Variants in LUC7L2 observed in about 807,000 individuals in gnomAD.
The protein encoded by LUC7L2 is LUC7 like 2, pre-mRNA splicing factor, also known as putative RNA-binding protein Luc7-like 2.
In LUC7L2, 25 loss-of-function variants were observed where a neutral mutation model predicts 52.8. The observed-to-expected ratio is 0.47, with a 90% CI of 0.34 to 0.66. The LOEUF is 0.66. Ranked by LOEUF, LUC7L2 falls within the 30% of genes least tolerant of loss-of-function variation. LUC7L2 has a pLI of 0.01. For synonymous variants in LUC7L2, 144 were observed against 160.9 expected (o/e 0.89, Z 0.80); for missense variants, 328 against 497.8 (o/e 0.66, Z 3.25).
intron 9 of LUC7L2, among the ~76,000 whole-genome samples, chr7:139,421,376 A>G (rs1054636564): frequency 6.6e-6 from 1 of 152,226 alleles, no homozygotes; most frequent in African/African-American, 2.4e-5. Context: ...TGTTGGAAGT[A>G]TGGAAGATTC....
chr7:139,340,719 T>C (rs1798897417), intron 1 of LUC7L2: 1 of 387,084 alleles, frequency 2.6e-6, no homozygotes, highest in Non-Finnish European at 4.6e-6. Flanking sequence ...GCCTAATGGA[T>C]AAGGCATTGG....
intron 2 of LUC7L2, among the ~76,000 whole-genome samples, chr7:139,392,961 GTTAAA>G (rs1158222666): frequency 6.7e-6 from 1 of 148,682 alleles, no homozygotes; most frequent in East Asian, 2.1e-4. Context: ...GCAACTACTT[GTTAAA>G]TTAAAAAAAA....
chr7:139,408,608 C>G (rs141029043), intron 6 of LUC7L2, among the ~76,000 whole-genome samples: 8,526 of 152,176 alleles, frequency 0.056, 553 homozygotes, highest in African/African-American at 0.15. Context: ...CTTTGGGAGG[C>G]CAAGGCGGGC....
At chr7:139,358,824 G>A (rs938887100), upstream of LUC7L2, among the ~76,000 whole-genome samples, 4 of 151,950 alleles carry the variant, frequency 2.6e-5, no homozygotes, top group Admixed American at 2.6e-4. Flanking sequence ...AGCTGGGGAG[G>A]CGCCCGCCAT....
At chr7:139,346,977 G>C (rs1490786919) in intron 1 of LUC7L2, among the ~76,000 whole-genome samples, 2 of 152,160 alleles carry the variant, frequency 1.3e-5, no homozygotes, top group South Asian at 2.1e-4. Flanking sequence ...CTCTGTCCTA[G>C]TTCAAGCACT....
intron 1 of LUC7L2, among the ~76,000 whole-genome samples, chr7:139,371,957 G>A (rs1331102233): frequency 6.6e-6 from 1 of 152,128 alleles, no homozygotes; most frequent in Non-Finnish European, 1.5e-5. Context: ...AACTCATGAA[G>A]GTGTTGAACA....
rs574962952 is a variant in LUC7L2 at position 139,342,572 on chromosome 7, C to T, written c.-26+2055C>T. 8.5e-5 allele frequency among the ~76,000 whole-genome samples: 13 copies of T among 152,284 alleles called. 1 individual carries two copies. Among genetic ancestry groups the T allele is most frequent in the African/African-American group, 2.9e-4 (12 of 41,558 alleles). Reference sequence around the variant, plus strand: ...TCACCTCCCAGGTTCAAGCGATTCTCCTGCCTCAGCCTCCCGAGTAGTACA... The same window carrying T: ...TCACCTCCCAGGTTCAAGCGATTCTTCTGCCTCAGCCTCCCGAGTAGTACA... On this transcript the variant is annotated intron_variant, in intron 1 of 10. Transcript: ENST00000541170.
intron 2 of LUC7L2, among the ~76,000 whole-genome samples, chr7:139,397,319 A>C (rs936321838): frequency 1.3e-5 from 2 of 152,196 alleles, no homozygotes; most frequent in Admixed American, 1.3e-4. Flanking sequence ...TCTCTGACCA[A>C]CTCATCCCAA....
At chr7:139,368,304 GTTTATT>G (rs1052673995) in intron 1 of LUC7L2, among the ~76,000 whole-genome samples, 4 of 152,136 alleles carry the variant, frequency 2.6e-5, no homozygotes, top group African/African-American at 9.7e-5. Context: ...ACACTTGAAT[GTTTATT>G]TTTAAGTAAT....
chr7:139,372,243 ATT>A (rs11338568), intron 1 of LUC7L2, among the ~76,000 whole-genome samples: 203 of 149,170 alleles, frequency 1.4e-3, no homozygotes, highest in African/African-American at 4.7e-3. Context: ...CATTATTTTA[ATT>A]TTTTTTTTTT....
At chr7:139,376,675 A>C (rs1800728437) in intron 2 of LUC7L2, among the ~76,000 whole-genome samples, 1 of 152,330 alleles carries the variant, frequency 6.6e-6, no homozygotes, top group Admixed American at 6.5e-5. Context: ...AGAGATGTTG[A>C]TCTTAGAGTA....
chr7:139,412,349 A>G (rs933525291), intron 7 of LUC7L2, among the ~76,000 whole-genome samples: 3 of 152,138 alleles, frequency 2.0e-5, no homozygotes, highest in Non-Finnish European at 4.4e-5. Flanking sequence ...AGAGCCAGGT[A>G]TTCTTGAGTT....
At chr7:139,408,475 T>A (rs912928577) in intron 6 of LUC7L2, among the ~76,000 whole-genome samples, 5 of 152,278 alleles carry the variant, frequency 3.3e-5, no homozygotes, top group East Asian at 1.9e-4. Flanking sequence ...GATGTTTTTT[T>A]AAAAAATACA....
chr7:139,364,249 A>G (rs1200625865), intron 1 of LUC7L2, among the ~76,000 whole-genome samples: 4 of 152,138 alleles, frequency 2.6e-5, no homozygotes, highest in African/African-American at 7.2e-5. Context: ...CCTAGATTAC[A>G]TTTTAAGCTT....
chr7:139,342,688 C>G (rs540104753), intron 1 of LUC7L2, among the ~76,000 whole-genome samples: 1 of 152,278 alleles, frequency 6.6e-6, no homozygotes, highest in South Asian at 2.1e-4. Context: ...TCTTGAACTC[C>G]TGACCTCAGG....
chr7:139,358,032 A>G (rs1799659479), upstream of LUC7L2, among the ~76,000 whole-genome samples: 1 of 147,510 alleles, frequency 6.8e-6, no homozygotes, highest in Non-Finnish European at 1.5e-5. Context: ...TTTTTGAGAT[A>G]GAGTCTTGCT....
At chr7:139,362,733 A>G (rs1369888493) in intron 1 of LUC7L2, among the ~76,000 whole-genome samples, 3 of 151,530 alleles carry the variant, frequency 2.0e-5, no homozygotes, top group Non-Finnish European at 4.4e-5. Context: ...CTGTCTGTGA[A>G]GGAATCTGAA....
At chr7:139,387,998 T>C (rs902970892) in intron 2 of LUC7L2, among the ~76,000 whole-genome samples, 4 of 152,294 alleles carry the variant, frequency 2.6e-5, no homozygotes, top group Admixed American at 6.5e-5. Context: ...CATTTTTGTT[T>C]ACACTCTTTT....
Position 139,417,728 on chromosome 7 carries a change from AG to A in LUC7L2, c.1001+1del. On this transcript the variant is annotated frameshift_variant and splice_region_variant, in exon 9 of 10. Transcript: ENST00000354926. LOFTEE classifies it high-confidence loss of function. ...TAGGAGCAGAGAACGATCCAAGAGG[AG>A]GTATTGATGTGTCAATCAGAGGATA... ...RDRSRERSKR[R>X]SSKERFRDQD... 6.2e-7 allele frequency: 1 copy of A among 1,613,624 alleles called. No individual in the cohort carries two copies. Among genetic ancestry groups the A allele is most frequent in the Non-Finnish European group, 8.5e-7 (1 of 1,179,602 alleles).
Sources: gnomAD v4.1 joint callset for allele counts (sites outside exome capture counted in the v4.1 genomes callset) on GRCh38, gnomAD v4.1.1 for gene constraint, MANE v1.5 for transcripts, NCBI Gene and HGNC (gene_info 2026-07-23, HGNC 2026-07-21) for gene names.